MS4A18: variants seen among roughly 807,000 people sequenced by gnomAD.
MS4A18 encodes membrane-spanning 4-domains subfamily A member 18.
Under a neutral mutation model 13.1 loss-of-function variants are expected in MS4A18, and 27 were observed. The ratio of observed to expected loss-of-function variants is 2.06; its 90% CI spans 1.52 to 2.84. The LOEUF is 2.84. Ranked by LOEUF, MS4A18 falls within the 30% of genes most tolerant of loss-of-function variation. The pLI, the probability that MS4A18 is intolerant of heterozygous loss-of-function variation, is 0.00. For synonymous variants in MS4A18, 126 were observed against 76.5 expected (o/e 1.65, Z -3.38); for missense variants, 307 against 196.4 (o/e 1.56, Z -3.37).
chr11:60,740,799 G>T (rs187035868), intron 4 of MS4A18, among the ~76,000 whole-genome samples: 1 of 152,186 alleles, frequency 6.6e-6, no homozygotes, highest in African/African-American at 2.4e-5. Context: ...AGAGGCCAGA[G>T]AGAGCCCTGA....
chr11:60,744,055 T>C, exon 6 of MS4A18: 1 of 656,806 alleles, frequency 1.5e-6, no homozygotes, highest in Non-Finnish European at 2.8e-6. Context: ...GGATACACTG[T>C]AGCTGTATCT....
At chr11:60,739,897 C>G (rs1853392539) in intron 4 of MS4A18, among the ~76,000 whole-genome samples, 1 of 152,162 alleles carries the variant, frequency 6.6e-6, no homozygotes, top group South Asian at 2.1e-4. Context: ...TGGGACTAAC[C>G]AAGTGGGCAA....
exon 1 of MS4A18, chr11:60,729,496 A>G (rs751430223): frequency 1.4e-5 from 10 of 702,682 alleles, no homozygotes; most frequent in Middle Eastern, 2.3e-4. Context: ...AAACTTACAG[A>G]ATCTACTCGT....
intron 2 of MS4A18, 136 bp downstream of exon 3, chr11:60,733,783 A>G: frequency 1.5e-6 from 1 of 662,174 alleles, no homozygotes; most frequent in Middle Eastern, 3.3e-4. Context: ...ACTTGCAGAT[A>G]CAGCAAAGGG....
intron 3 of MS4A18, 61 bp from the exon 5 acceptor site, chr11:60,738,841 C>A: frequency 1.4e-6 from 1 of 693,634 alleles, no homozygotes; most frequent in Middle Eastern, 2.4e-4. Flanking sequence ...AGAGTCCCCA[C>A]AAGCCAGGCT....
chr11:60,743,890 A>G (rs777533542), exon 6 of MS4A18: 48 of 703,026 alleles, frequency 6.8e-5, no homozygotes, highest in Admixed American at 2.4e-4. Flanking sequence ...CAATGTGACA[A>G]CTGGCCCCGT....
At chr11:60,726,614 A>G (rs1432988002), upstream of MS4A18, among the ~76,000 whole-genome samples, 2 of 152,170 alleles carry the variant, frequency 1.3e-5, no homozygotes, top group Non-Finnish European at 2.9e-5. Context: ...CAGAGACCGT[A>G]CTTTGAGATC....
intron 1 of MS4A18, among the ~76,000 whole-genome samples, chr11:60,730,697 T>A (rs1853241295): frequency 6.6e-6 from 1 of 152,172 alleles, no homozygotes; most frequent in African/African-American, 2.4e-5. Context: ...TATTTAATCC[T>A]GGGTAGACAA....
chr11:60,736,901 GTC>G, intron 2 of MS4A18, 75 bp from the exon 4 acceptor site: 1 of 677,230 alleles, frequency 1.5e-6, no homozygotes, highest in Non-Finnish European at 2.7e-6. Flanking sequence ...TGAGAAATGC[GTC>G]TCTGAGTGGA....
At chr11:60,730,165 C>T (rs146875686) in intron 1 of MS4A18, among the ~76,000 whole-genome samples, 30 of 152,364 alleles carry the variant, frequency 2.0e-4, no homozygotes, top group African/African-American at 7.0e-4. Context: ...ATCTCTTCCT[C>T]GCTCTGGGCC....
chr11:60,742,480 A>G (rs1398684290), intron 5 of MS4A18, among the ~76,000 whole-genome samples: 2 of 152,208 alleles, frequency 1.3e-5, no homozygotes, highest in Admixed American at 1.3e-4. Flanking sequence ...TGTTCTAGAC[A>G]CACTCTTGCT....
intron 4 of MS4A18, among the ~76,000 whole-genome samples, chr11:60,739,395 C>G (rs923273427): frequency 6.6e-6 from 1 of 152,024 alleles, no homozygotes; most frequent in Non-Finnish European, 1.5e-5. Context: ...TCTTTTGGTG[C>G]GGGGACCTCC....
exon 4 of MS4A18, chr11:60,738,947 T>G (rs1486170592): frequency 1.4e-6 from 1 of 703,288 alleles, no homozygotes; most frequent in South Asian, 1.5e-5. Flanking sequence ...ACTCTTCGCC[T>G]TTGCCGGGAT....
chr11:60,730,713 T>C (rs1007056044), intron 1 of MS4A18, among the ~76,000 whole-genome samples: 1 of 152,172 alleles, frequency 6.6e-6, no homozygotes, highest in Non-Finnish European at 1.5e-5. Context: ...GACAAGTAGA[T>C]TGTGCCAGGA....
At chr11:60,739,120 A>G (rs1853382431) in intron 4 of MS4A18, 123 bp downstream of exon 5, 7 of 631,890 alleles carry the variant, frequency 1.1e-5, no homozygotes, top group South Asian at 3.7e-5. Flanking sequence ...CACTACATCC[A>G]TAAGCTATTT....
At chr11:60,727,460 C>T (rs577290718), upstream of MS4A18, among the ~76,000 whole-genome samples, 9 of 152,320 alleles carry the variant, frequency 5.9e-5, no homozygotes, top group East Asian at 5.8e-4. Flanking sequence ...GTCTTGCTTT[C>T]GAGTTTACTT....
chr11:60,743,793 T>A (rs920966557), exon 6 of MS4A18: 3 of 699,762 alleles, frequency 4.3e-6, no homozygotes, highest in Non-Finnish European at 7.8e-6. Context: ...CCATTCACCC[T>A]GTCAACACCA....
chr11:60,742,248 T>C (rs1163647298), intron 5 of MS4A18, among the ~76,000 whole-genome samples: 1 of 152,222 alleles, frequency 6.6e-6, no homozygotes, highest in Non-Finnish European at 1.5e-5. Flanking sequence ...ACATGTTTTC[T>C]TTTTTCATAA....
chr11:60,733,640 G>C lies in MS4A18; in HGVS notation c.584G>C (p.Gly195Ala), dbSNP rs1484810109. The C allele has an allele frequency of 5.7e-6, 4 of 703,606 alleles. No homozygotes were observed. In the South Asian group the frequency reaches 5.9e-5, roughly 10 times the overall value. 43.6% of individuals were successfully genotyped at this position (703,606 alleles called of 1,614,324 possible). A position where few individuals can be genotyped will look rare whatever the true frequency, so the allele number is the denominator to read the frequency against. Residue 195 changes from glycine (G) to alanine (A), a missense_variant, in exon 2 of 6, where the codon GGA (glycine) becomes GCA (alanine). Coordinates refer to ENST00000529108, the Ensembl canonical transcript of MS4A18. Reference sequence around the variant, plus strand: ...TTGTCAGGGTACCCGCTCTGGGGAGGATTATCCGTGAGTACAAGGCCATAT... The same window carrying C: ...TTGTCAGGGTACCCGCTCTGGGGAGCATTATCCGTGAGTACAAGGCCATAT...
Sources: gnomAD v4.1 joint callset for allele counts (sites outside exome capture counted in the v4.1 genomes callset) on GRCh38, gnomAD v4.1.1 for gene constraint, MANE v1.5 for transcripts, NCBI Gene and HGNC (gene_info 2026-07-23, HGNC 2026-07-21) for gene names.